SYT16: variants seen among roughly 807,000 people sequenced by gnomAD.
SYT16 encodes the protein synaptotagmin 16.
SYT16 carries 42 observed loss-of-function variants against 61.4 expected under a neutral mutation model. That is an observed-to-expected ratio of 0.68 (90% CI 0.53 to 0.89). The LOEUF (loss-of-function observed/expected upper bound fraction) is 0.89. Among genes scored for constraint, SYT16 ranks in the 40% least tolerant of loss-of-function variants. The pLI is 0.00. For missense variants in SYT16, 804 were observed against 807.3 expected (o/e 1.00, Z 0.05); for synonymous variants, 314 against 302.3 (o/e 1.04, Z -0.40).
chr14:61,931,091 C>G (rs976037423), intron 1 of SYT16, among the ~76,000 whole-genome samples: 6 of 152,158 alleles, frequency 3.9e-5, no homozygotes, highest in African/African-American at 7.2e-5. Context: ...CTGGAGTGCC[C>G]CATTCCAATG....
At chr14:61,873,586 G>A (rs1312848346) in intron 1 of SYT16, among the ~76,000 whole-genome samples, 2 of 152,138 alleles carry the variant, frequency 1.3e-5, no homozygotes, top group African/African-American at 4.8e-5. Context: ...TAACTTTGAT[G>A]CATTTTTAAA....
intron 3 of SYT16, among the ~76,000 whole-genome samples, chr14:62,047,076 C>G (rs956885423): frequency 6.6e-5 from 10 of 152,310 alleles, no homozygotes; most frequent in African/African-American, 2.4e-4. Context: ...TTGATTCTTC[C>G]TACCCATTAG....
At chr14:62,004,596 A>T (rs1017721796) in intron 3 of SYT16, among the ~76,000 whole-genome samples, 1 of 152,196 alleles carries the variant, frequency 6.6e-6, no homozygotes, top group Non-Finnish European at 1.5e-5. Flanking sequence ...CTATTATAGT[A>T]GCTTGTAAGA....
rs143023380 is a variant in SYT16 at position 61,828,856 on chromosome 14, C to T, written c.-325+16046C>T. On this transcript the variant is annotated intron_variant, in intron 1 of 7. Transcript: ENST00000683842. ...AGATCAAATTCTTTTTCCTTATTCT[C>T]TCTTTAAGGCTATTCCTAACACTGT... Among the ~76,000 whole-genome samples the T allele has an allele frequency of 9.2e-3, 1,403 of 152,306 alleles. 27 individuals carry two copies. Among genetic ancestry groups the T allele is most frequent in the African/African-American group, 0.032 (1,331 of 41,566 alleles).
chr14:61,931,727 A>C (rs2049778664), intron 1 of SYT16, among the ~76,000 whole-genome samples: 1 of 152,134 alleles, frequency 6.6e-6, no homozygotes, highest in African/African-American at 2.4e-5. Context: ...CCGTGTGTAC[A>C]TCTAGGATCA....
chr14:62,062,629 G>A (rs2055874440), intron 3 of SYT16, among the ~76,000 whole-genome samples: 1 of 152,040 alleles, frequency 6.6e-6, no homozygotes, highest in African/African-American at 2.4e-5. Flanking sequence ...TAGAAATGTG[G>A]CCGTTTTTCC....
intron 1 of SYT16, among the ~76,000 whole-genome samples, chr14:61,929,672 G>A (rs148298908): frequency 1.6e-3 from 250 of 152,306 alleles, no homozygotes; most frequent in African/African-American, 5.8e-3. Flanking sequence ...TCTGGAGAAT[G>A]TGTTGTGGGA....
At chr14:61,886,349 A>G (rs1464169196) in intron 1 of SYT16, among the ~76,000 whole-genome samples, 1 of 152,218 alleles carries the variant, frequency 6.6e-6, no homozygotes, top group Non-Finnish European at 1.5e-5. Context: ...TCTCTGTAGC[A>G]TGTGATGCTG....
At chr14:61,856,453 G>C (rs1013122494) in intron 1 of SYT16, among the ~76,000 whole-genome samples, 1 of 152,114 alleles carries the variant, frequency 6.6e-6, no homozygotes, top group African/African-American at 2.4e-5. Flanking sequence ...CTATTTTGAG[G>C]ATAGAACAGA....
chr14:62,000,697 T>TA (rs1329687999), intron 3 of SYT16, among the ~76,000 whole-genome samples: 1 of 151,968 alleles, frequency 6.6e-6, no homozygotes, highest in Non-Finnish European at 1.5e-5. Context: ...GGGCTCATGT[T>TA]AAAAAAAGGC....
At chr14:61,993,339 T>C (rs1457897244) in intron 2 of SYT16, among the ~76,000 whole-genome samples, 2 of 151,988 alleles carry the variant, frequency 1.3e-5, no homozygotes, top group Non-Finnish European at 2.9e-5. Context: ...TAGATCCAGA[T>C]TGATGGGTGC....
intron 1 of SYT16, among the ~76,000 whole-genome samples, chr14:61,924,615 T>C (rs558123439): frequency 4.5e-4 from 68 of 152,340 alleles, no homozygotes; most frequent in African/African-American, 1.6e-3. Flanking sequence ...GGCTACATAT[T>C]GCACCAACTT....
intron 2 of SYT16, among the ~76,000 whole-genome samples, chr14:61,982,203 A>G (rs2052109314): frequency 6.6e-6 from 1 of 152,210 alleles, no homozygotes; most frequent in Admixed American, 6.5e-5. Flanking sequence ...TTGGTAGTCC[A>G]CATAGAAACA....
chr14:62,032,593 A>G (rs1343288285), intron 3 of SYT16, among the ~76,000 whole-genome samples: 5 of 152,086 alleles, frequency 3.3e-5, no homozygotes, highest in Non-Finnish European at 7.4e-5. Context: ...ATGATACTGA[A>G]TAATGACAAT....
At chr14:61,893,277 C>G (rs2048205123) in intron 1 of SYT16, among the ~76,000 whole-genome samples, 1 of 152,214 alleles carries the variant, frequency 6.6e-6, no homozygotes, top group African/African-American at 2.4e-5. Flanking sequence ...GGTACTAAAC[C>G]AATATAAAGT....
chr14:61,884,617 G>A (rs1413403811), intron 1 of SYT16, among the ~76,000 whole-genome samples: 1 of 152,200 alleles, frequency 6.6e-6, no homozygotes. Flanking sequence ...GATGTGCCCT[G>A]TTTTTAAATT....
At chr14:62,082,888 T>C (rs991966252) in intron 6 of SYT16, among the ~76,000 whole-genome samples, 3 of 152,232 alleles carry the variant, frequency 2.0e-5, no homozygotes, top group Non-Finnish European at 4.4e-5. Context: ...TTGAGCACAG[T>C]TATGTGCCAG....
chr14:61,897,939 T>A (rs1284841092), intron 1 of SYT16, among the ~76,000 whole-genome samples: 16 of 152,132 alleles, frequency 1.1e-4, no homozygotes, highest in Admixed American at 9.8e-4. Flanking sequence ...CTGCACTTGC[T>A]GCACACGTGG....
chr14:61,865,521 A>G (rs2047120219), intron 1 of SYT16, among the ~76,000 whole-genome samples: 3 of 152,224 alleles, frequency 2.0e-5, no homozygotes, highest in Admixed American at 2.0e-4. Context: ...GGGCTGCCCA[A>G]AACGGTGGAA....
Sources: gnomAD v4.1 joint callset for allele counts (sites outside exome capture counted in the v4.1 genomes callset) on GRCh38, gnomAD v4.1.1 for gene constraint, MANE v1.5 for transcripts, NCBI Gene and HGNC (gene_info 2026-07-23, HGNC 2026-07-21) for gene names.